The following NLGN1 variants were observed in gnomAD, a reference collection of about 807,000 sequenced individuals.
NLGN1 encodes neuroligin 1.
NLGN1 carries 12 observed loss-of-function variants against 65.5 expected under a neutral mutation model. That is an observed-to-expected ratio of 0.18 (90% CI 0.12 to 0.30). NLGN1 has a LOEUF of 0.30. Ranked by LOEUF, NLGN1 falls within the 10% of genes least tolerant of loss-of-function variation. The pLI, the probability that NLGN1 is intolerant of heterozygous loss-of-function variation, is 1.00. For synonymous variants in NLGN1, 350 were observed against 359.5 expected (o/e 0.97, Z 0.30); for missense variants, 750 against 1,007.1 (o/e 0.74, Z 3.46).
In NLGN1 at chr3:174,280,485, C is replaced by A; in HGVS notation, c.1654C>A (p.Pro552Thr). 3 of 1,586,520 alleles carry A rather than the reference C, an allele frequency of 1.9e-6. No homozygotes were observed. The highest frequency in any genetic ancestry group is 2.6e-6 in the Non-Finnish European group (3 of 1,168,294). The change falls in exon 7 of 7, where the codon CCA becomes ACA. Residue 552 changes from proline (P) to threonine (T), a missense_variant. Pro to Thr is a conservative substitution (Grantham distance 38). Transcript: ENST00000457714. The surrounding 1 kb of genome is among the most constrained non-coding windows in gnomAD (Gnocchi z 4.9). ...AATTTATCTTTTCCTTCTTAGTGAC[C>A]CAAATCAACCAGTCCCTCAAGACAC... is the stretch of plus-strand genomic sequence containing the variant.
intron 4 of NLGN1, among the ~76,000 whole-genome samples, chr3:174,129,399 A>ACACT (rs1161213144): frequency 7.1e-6 from 1 of 140,356 alleles, no homozygotes; most frequent in Non-Finnish European, 1.5e-5. Flanking sequence ...ACACACACAC[A>ACACT]CTCATTCATT....
intron 3 of NLGN1, among the ~76,000 whole-genome samples, chr3:173,693,755 A>C (rs1765799515): frequency 6.6e-6 from 1 of 152,058 alleles, no homozygotes; most frequent in Non-Finnish European, 1.5e-5. Flanking sequence ...AAAAATAAAA[A>C]AGAAGGTTAA....
intron 4 of NLGN1, among the ~76,000 whole-genome samples, chr3:173,899,319 T>G (rs753412716): frequency 6.6e-6 from 1 of 152,110 alleles, no homozygotes; most frequent in Non-Finnish European, 1.5e-5. Context: ...TAGTAAAAAA[T>G]TTTTCAGACT....
chr3:174,265,386 G>A (rs1260881979), intron 4 of NLGN1, among the ~76,000 whole-genome samples: 6 of 152,124 alleles, frequency 3.9e-5, no homozygotes, highest in Admixed American at 6.5e-5. Flanking sequence ...CTTGTGGTGC[G>A]CCGTTTTTTA....
At chr3:173,857,849 C>T (rs1728293217) in intron 4 of NLGN1, among the ~76,000 whole-genome samples, 1 of 137,254 alleles carries the variant, frequency 7.3e-6, no homozygotes, top group African/African-American at 2.8e-5. Flanking sequence ...TCAGTATTGT[C>T]CTATACAAAA....
intron 3 of NLGN1, among the ~76,000 whole-genome samples, chr3:173,739,054 A>C (rs943531651): frequency 6.6e-6 from 1 of 152,032 alleles, no homozygotes; most frequent in East Asian, 1.9e-4. Context: ...CTAGGATTTC[A>C]TCAGGCTGTA....
At chr3:174,006,459 G>A (rs1157158549) in intron 4 of NLGN1, among the ~76,000 whole-genome samples, 1 of 152,106 alleles carries the variant, frequency 6.6e-6, no homozygotes, top group African/African-American at 2.4e-5. Flanking sequence ...GTGTGCATTT[G>A]AAAAGATCTA....
At chr3:174,189,395 T>C (rs1731975668) in intron 4 of NLGN1, among the ~76,000 whole-genome samples, 1 of 152,006 alleles carries the variant, frequency 6.6e-6, no homozygotes, top group Admixed American at 6.6e-5. Context: ...TTTCATTTCA[T>C]TAATAATGAA....
intron 2 of NLGN1, among the ~76,000 whole-genome samples, chr3:173,512,213 G>T (rs757763699): frequency 2.6e-5 from 4 of 152,204 alleles, no homozygotes; most frequent in Non-Finnish European, 5.9e-5. Flanking sequence ...GCTGCCTTCC[G>T]CCAGCAAGGG....
At chr3:174,194,203 A>G (rs1233090794) in intron 4 of NLGN1, among the ~76,000 whole-genome samples, 1 of 152,168 alleles carries the variant, frequency 6.6e-6, no homozygotes, top group Non-Finnish European at 1.5e-5. Flanking sequence ...TCACACCTGT[A>G]ATCCCAGCAC....
At chr3:174,058,401 T>C (rs903855931) in intron 4 of NLGN1, among the ~76,000 whole-genome samples, 9 of 152,082 alleles carry the variant, frequency 5.9e-5, no homozygotes, top group African/African-American at 1.9e-4. Context: ...ACACTTCCCA[T>C]CCCCTTGCAG....
At chr3:173,926,056 A>C (rs1742936181) in intron 4 of NLGN1, among the ~76,000 whole-genome samples, 1 of 152,056 alleles carries the variant, frequency 6.6e-6, no homozygotes, top group African/African-American at 2.4e-5. Flanking sequence ...ACTATAATCT[A>C]ATTCTATTTT....
intron 2 of NLGN1, among the ~76,000 whole-genome samples, chr3:173,582,445 A>G (rs1559998959): frequency 6.6e-6 from 1 of 152,010 alleles, no homozygotes; most frequent in Non-Finnish European, 1.5e-5. Flanking sequence ...ATTTCTTCAC[A>G]TTTTCATCAA....
intron 3 of NLGN1, among the ~76,000 whole-genome samples, chr3:173,787,329 G>A (rs550414262): frequency 1.6e-4 from 24 of 152,144 alleles, no homozygotes; most frequent in African/African-American, 5.8e-4. Flanking sequence ...TGATATTCAG[G>A]ACATGGCTGT....
chr3:174,243,748 A>G (rs1561374089), intron 4 of NLGN1, among the ~76,000 whole-genome samples: 1 of 152,198 alleles, frequency 6.6e-6, no homozygotes, highest in Non-Finnish European at 1.5e-5. Flanking sequence ...CTGACATTCT[A>G]TTTGAATAGT....
chr3:173,730,788 G>A (rs921508297), intron 3 of NLGN1, among the ~76,000 whole-genome samples: 1 of 151,952 alleles, frequency 6.6e-6, no homozygotes, highest in Non-Finnish European at 1.5e-5. Context: ...TTATTAAAAG[G>A]TCTTTCTTTT....
intron 2 of NLGN1, among the ~76,000 whole-genome samples, chr3:173,571,793 A>G (rs1233496343): frequency 6.6e-6 from 1 of 152,166 alleles, no homozygotes; most frequent in African/African-American, 2.4e-5. Context: ...CTTTTAATGG[A>G]GCATTTCAAA....
At chr3:173,870,819 A>G (rs1171650693) in intron 4 of NLGN1, among the ~76,000 whole-genome samples, 1 of 152,166 alleles carries the variant, frequency 6.6e-6, no homozygotes, top group Non-Finnish European at 1.5e-5. Context: ...TACTAAAACT[A>G]TTGTGAAGTC....
chr3:173,882,691 G>A (rs1008539069), intron 4 of NLGN1, among the ~76,000 whole-genome samples: 2 of 152,170 alleles, frequency 1.3e-5, no homozygotes, highest in African/African-American at 4.8e-5. Flanking sequence ...TTAGGCTTTG[G>A]CTTAAGGGAA....
Sources: gnomAD v4.1 joint callset for allele counts (sites outside exome capture counted in the v4.1 genomes callset) on GRCh38, gnomAD v4.1.1 for gene constraint, Gnocchi (gnomAD v3.1) non-coding constraint, MANE v1.5 for transcripts, NCBI Gene and HGNC (gene_info 2026-07-23, HGNC 2026-07-21) for gene names.